The following TP63 variants were observed in gnomAD, a reference collection of about 807,000 sequenced individuals.
TP63 encodes the protein tumor protein p63, also known as tumor protein 63.
TP63 carries 17 observed loss-of-function variants against 82.8 expected under a neutral mutation model. That is an observed-to-expected ratio of 0.21 (90% confidence interval 0.14 to 0.31). The LOEUF is 0.31. Among genes scored for constraint, TP63 ranks in the 10% least tolerant of loss-of-function variants. TP63 has a pLI of 1.00. For synonymous variants in TP63, 330 were observed against 321.7 expected, an observed-to-expected ratio of 1.03 and a Z score of -0.28; for missense variants, 648 against 895.3, an observed-to-expected ratio of 0.72 and a Z score of 3.52.
At chr3:189,684,400 C>T (rs1236030701) in intron 1 of TP63, among the ~76,000 whole-genome samples, 2 of 152,114 alleles carry the variant, frequency 1.3e-5, no homozygotes, top group Non-Finnish European at 2.9e-5. Flanking sequence ...ATCAACTCCA[C>T]TTTACAAAGT....
chr3:189,864,326 T>C lies in TP63; in HGVS notation c.674T>C (p.Ile225Thr), dbSNP rs374833411. 12 of 1,614,038 alleles carry C rather than the reference T, an allele frequency of 7.4e-6. 1 individual carries two copies. The African/African-American group carries it at 9.3e-5, about 13-fold the overall frequency. Residue 225 changes from isoleucine to threonine, a missense_variant, in exon 5 of 14, where the codon ATC (isoleucine) becomes ACC (threonine). Ile to Thr is a moderately conservative substitution (Grantham distance 89). Around this residue, in one of 5 missense-constraint regions of TP63, gnomAD observed 64 missense variants for 144.2 expected, o/e 0.44. Coordinates refer to ENST00000264731, the MANE Select transcript of TP63 (RefSeq NM_003722.5). ...ACCCCACCTCCTCAGGGAGCTGTTA[T>C]CCGCGCCATGCCTGTCTACAAAAAA... ...VMTPPPQGAV[I>T]RAMPVYKKAE...
intron 1 of TP63, among the ~76,000 whole-genome samples, chr3:189,663,352 A>G (rs1287990677): frequency 9.2e-5 from 14 of 152,114 alleles, no homozygotes; most frequent in Non-Finnish European, 4.4e-5. Context: ...TAAGACCCAG[A>G]GGAAAAGATT....
chr3:189,737,627 G>A, intron 1 of TP63, 113 bp from the exon 2 acceptor site: 2 of 1,315,022 alleles, frequency 1.5e-6, no homozygotes, highest in Non-Finnish European at 2.2e-6. Flanking sequence ...ATATATACCT[G>A]CATGGTTTTA....
In TP63 at chr3:189,641,894, G is replaced by C. The variant is rs577088229; in HGVS notation, c.62+10317G>C. Among the ~76,000 whole-genome samples, 26 of 152,224 alleles carry C rather than the reference G, an allele frequency of 1.7e-4. No homozygotes were observed. In the South Asian group the frequency reaches 5.4e-3, roughly 32 times the overall value. On this transcript the variant is annotated intron_variant, in intron 1 of 13. Coordinates refer to ENST00000264731, the MANE Select transcript of TP63 (RefSeq NM_003722.5). Reference sequence around the variant, plus strand: ...TTCCCAGTTTGCAGATGAGAAAAATGATGCTTGGAGATAGCTAACTTAACC... The same window carrying C: ...TTCCCAGTTTGCAGATGAGAAAAATCATGCTTGGAGATAGCTAACTTAACC...
chr3:189,650,458 G>A lies in TP63; in HGVS notation c.62+18881G>A, dbSNP rs547966533. 2.0e-5 allele frequency among the ~76,000 whole-genome samples: 3 copies of A among 146,752 alleles called. No homozygotes were observed. The East Asian group carries it at 7.2e-4, about 35-fold the overall frequency. The stretch of plus-strand genomic sequence containing the variant: ...CCCCATCTGTTATGAGATGAACCAG[G>A]TGGAGAAGATTGAATCATGGGGGCA... On this transcript the variant is annotated intron_variant, in intron 1 of 13. Transcript: ENST00000264731.
chr3:189,895,308 CA>C lies in TP63; in HGVS notation c.*807del. Reference sequence around the variant, plus strand: ...GAATGAGGAAAATTCTTAAAAGGCCCATAGCAGCCAGTTCAAAAACACCCGA... The same window carrying C: ...GAATGAGGAAAATTCTTAAAAGGCCCTAGCAGCCAGTTCAAAAACACCCGA... On this transcript the variant is annotated 3_prime_UTR_variant, in exon 14 of 14. Transcript: ENST00000264731. 4.5e-6 allele frequency: 1 copy of C among 219,902 alleles called. No individual in the cohort carries two copies. Among genetic ancestry groups the C allele is most frequent in the Non-Finnish European group, 9.1e-6 (1 of 109,738 alleles). The allele number at this position is 219,902 out of a possible 1,614,324, so 13.6% of individuals were successfully genotyped here.
chr3:189,858,181 G>A lies in TP63; in HGVS notation c.580-6051G>A, dbSNP rs1560266781. ...AGCACTTTGGGAGGCCGAGGCGGGCGGATCACGAGGTCAGGAGATCGAGAC... is the reference window on the plus strand; with the variant it reads ...AGCACTTTGGGAGGCCGAGGCGGGCAGATCACGAGGTCAGGAGATCGAGAC... On this transcript the variant is annotated intron_variant, in intron 4 of 13. Transcript: ENST00000264731. Among the ~76,000 whole-genome samples the A allele has an allele frequency of 4.7e-4, 7 of 14,746 alleles. 2 individuals carry two copies. In the South Asian group the frequency reaches 9.5e-3, roughly 20 times the overall value. 9.7% of individuals were successfully genotyped at this position (14,746 alleles called of 152,430 possible). A position where few individuals can be genotyped will look rare whatever the true frequency, so the allele number is the denominator to read the frequency against.
Position 189,686,084 on chromosome 3 carries a change from T to C in TP63, c.63-51656T>C, listed in dbSNP as rs1716411306. Among the ~76,000 whole-genome samples the C allele has an allele frequency of 2.6e-5, 4 of 152,116 alleles. No homozygotes were observed. In the South Asian group the frequency reaches 8.3e-4, roughly 32 times the overall value. On this transcript the variant is annotated intron_variant, in intron 1 of 13. Transcript: ENST00000264731. ...TTTGGCTCAAAGTTCTCCAAATTGT[T>C]TGATTATGTGGCAGAAAGTAAAGAA...
At chr3:189,885,176 A>G (rs911853263) in intron 10 of TP63, among the ~76,000 whole-genome samples, 16 of 152,234 alleles carry the variant, frequency 1.1e-4, no homozygotes, top group African/African-American at 3.1e-4. Flanking sequence ...GAGTTTTCCC[A>G]TAACAGACTA....
chr3:189,732,532 CG>C (rs1292012786), intron 1 of TP63, among the ~76,000 whole-genome samples: 2 of 152,182 alleles, frequency 1.3e-5, no homozygotes, highest in Non-Finnish European at 2.9e-5. Context: ...TGGATGCAAA[CG>C]ATGTAGCGCG....
chr3:189,823,938 G>T (rs1213458314), intron 4 of TP63, among the ~76,000 whole-genome samples: 1 of 152,066 alleles, frequency 6.6e-6, no homozygotes, highest in Admixed American at 6.5e-5. Context: ...GAAGGTGCTG[G>T]TTCAGTGAGA....
In TP63 at chr3:189,722,393, A is replaced by G. The variant is rs574002426; in HGVS notation, c.63-15347A>G. ...GTCAGCAATCCTTGGGCTGTAGTTC[A>G]TCTGATAACAAGGTCAAAAGTCTCC... On this transcript the variant is annotated intron_variant, in intron 1 of 13. Coordinates refer to ENST00000264731, the MANE Select transcript of TP63 (RefSeq NM_003722.5). Among the ~76,000 whole-genome samples, 56 of 152,344 alleles carry G rather than the reference A, an allele frequency of 3.7e-4. No homozygotes were observed. The Middle Eastern group carries it at 0.01, about 28-fold the overall frequency.
At chr3:189,689,233 A>G (rs1262336320) in intron 1 of TP63, among the ~76,000 whole-genome samples, 1 of 147,292 alleles carries the variant, frequency 6.8e-6, no homozygotes, top group Non-Finnish European at 1.5e-5. Flanking sequence ...CTCCTGCCTC[A>G]GCCTCCTGAG....
intron 11 of TP63, among the ~76,000 whole-genome samples, chr3:189,888,185 G>A (rs937006650): frequency 2.0e-5 from 3 of 151,994 alleles, no homozygotes; most frequent in Non-Finnish European, 2.9e-5. Flanking sequence ...TGAGATAGAG[G>A]TGTGTGTGTT....
chr3:189,836,748 A>G (rs1713209425), intron 4 of TP63, among the ~76,000 whole-genome samples: 1 of 151,660 alleles, frequency 6.6e-6, no homozygotes, highest in South Asian at 2.1e-4. Context: ...TCTTTCTAAC[A>G]CTCGCCTCAG....
chr3:189,688,675 C>T (rs892246064), intron 1 of TP63, among the ~76,000 whole-genome samples: 4 of 152,136 alleles, frequency 2.6e-5, no homozygotes, highest in Non-Finnish European at 4.4e-5. Flanking sequence ...GATAAAAAAC[C>T]TGATATCCAC....
intron 3 of TP63, among the ~76,000 whole-genome samples, chr3:189,758,760 G>C (rs1310240078): frequency 6.6e-6 from 1 of 152,182 alleles, no homozygotes; most frequent in Non-Finnish European, 1.5e-5. Flanking sequence ...ACATACTTTG[G>C]TGCTGCATGC....
upstream of TP63, among the ~76,000 whole-genome samples, chr3:189,627,532 G>T (rs930856430): frequency 1.3e-5 from 2 of 152,162 alleles, no homozygotes; most frequent in African/African-American, 4.8e-5. Context: ...TCAAATTTAA[G>T]TTGATTAAAA....
At chr3:189,780,144 G>A (rs760234661) in intron 3 of TP63, among the ~76,000 whole-genome samples, 11 of 150,858 alleles carry the variant, frequency 7.3e-5, no homozygotes, top group Non-Finnish European at 1.6e-4. Context: ...GAGTAAAATG[G>A]AAGTAGCAGT....
Sources: gnomAD v4.1 joint callset for allele counts (sites outside exome capture counted in the v4.1 genomes callset) on GRCh38, gnomAD v4.1.1 for gene constraint, gnomAD v4.1.1 regional missense constraint, MANE v1.5 for transcripts, NCBI Gene and HGNC (gene_info 2026-07-23, HGNC 2026-07-21) for gene names.